RBL2: variants seen among roughly 807,000 people sequenced by gnomAD.
RBL2 encodes the protein RB transcriptional corepressor like 2.
Under a neutral mutation model 126.0 loss-of-function variants are expected in RBL2, and 56 were observed. The observed-to-expected ratio is 0.44, with a 90% confidence interval of 0.36 to 0.56. The LOEUF is 0.56. Among genes scored for constraint, RBL2 ranks in the 20% least tolerant of loss-of-function variants. The pLI is 0.00. For missense variants in RBL2, 1,229 were observed against 1,398.2 expected (o/e 0.88, Z 1.93); for synonymous variants, 454 against 478.5 (o/e 0.95, Z 0.67).
chr16:53,473,229 A>C (rs983277691), intron 17 of RBL2, among the ~76,000 whole-genome samples: 2 of 152,264 alleles, frequency 1.3e-5, no homozygotes, highest in Non-Finnish European at 2.9e-5. Flanking sequence ...ACAAAGGAAT[A>C]AGCTAGGATT....
At chr16:53,453,795 T>C in intron 7 of RBL2, 26 bp downstream of exon 7, 1 of 1,524,928 alleles carries the variant, frequency 6.6e-7, no homozygotes, top group Non-Finnish European at 9.0e-7. Context: ...TAAAATGTTT[T>C]AATATTTTAA....
chr16:53,479,045 G>C (rs1438510830), intron 17 of RBL2, 109 bp from the exon 18 acceptor site: 1 of 817,624 alleles, frequency 1.2e-6, no homozygotes, highest in Non-Finnish European at 2.1e-6. Flanking sequence ...ACTTTAAATA[G>C]CTTTTATATA....
rs946669654 is a variant in RBL2, at chr16:53,471,782, T to G, written c.2703+860T>G. ...CTGGGCCCAGCCAAATTAACTATTTTAAGTTGAACAATTTAGGAGCATTTA... is the reference window on the plus strand; with the variant it reads ...CTGGGCCCAGCCAAATTAACTATTTGAAGTTGAACAATTTAGGAGCATTTA... On this transcript the variant is annotated intron_variant, in intron 17 of 21. Coordinates refer to ENST00000262133, the MANE Select transcript of RBL2 (RefSeq NM_005611.4). Among the ~76,000 whole-genome samples the G allele has an allele frequency of 5.9e-5, 9 of 152,180 alleles. 1 individual carries two copies. The highest frequency in any genetic ancestry group is 5.2e-4 in the Admixed American group (8 of 15,284).
intron 1 of RBL2, 143 bp from the exon 2 acceptor site, chr16:53,438,867 AAAAAAG>A (rs2057984892): frequency 3.0e-6 from 1 of 337,508 alleles, no homozygotes; most frequent in African/African-American, 2.3e-5. Context: ...AAAAAAAAAA[AAAAAAG>A]AGCGTATGAG....
rs745956628 is a variant in RBL2, at chr16:53,481,726, G to A, written c.3140G>A (p.Arg1047Gln). Residue 1047 changes from arginine to glutamine, a missense_variant, in exon 21 of 22, where the codon CGA (arginine) becomes CAA (glutamine). Arg to Gln is a conservative substitution (Grantham distance 43). Transcript: ENST00000262133. The stretch of plus-strand genomic sequence containing the variant: ...TTTGTAAGAACAGGCTCCCCTCGCC[G>A]AATACAGTTGTCTCAAAATCATCCT... Reference protein sequence around the residue: ...YPFVRTGSPRRIQLSQNHPVY... With the variant: ...YPFVRTGSPRQIQLSQNHPVY... 23 of 1,608,510 alleles carry A rather than the reference G, an allele frequency of 1.4e-5. No individual in the cohort carries two copies. Among genetic ancestry groups the A allele is most frequent in the Middle Eastern group, 1.6e-4 (1 of 6,080 alleles).
In RBL2 at chr16:53,442,711, C is replaced by T. The variant is rs2058027767; in HGVS notation, c.425C>T (p.Pro142Leu). The change falls in exon 3 of 22, where the codon CCC (proline) becomes CTC (leucine). Residue 142 changes from proline to leucine, a missense_variant. Physicochemically the swap from Pro to Leu is moderately conservative, Grantham distance 98. Coordinates refer to ENST00000262133, the MANE Select transcript of RBL2 (RefSeq NM_005611.4). ...MKKWEDMANL[P>L]PHFRERTERL... is the part of the protein sequence containing the mutation. ...AAGTGGGAAGACATGGCAAATCTAC[C>T]CCCACATTTCAGAGAACGTACTGAG... 6.2e-7 allele frequency: 1 copy of T among 1,613,590 alleles called. No homozygotes were observed. Among genetic ancestry groups the T allele is most frequent in the Middle Eastern group, 1.7e-4 (1 of 6,054 alleles).
Position 53,481,669 on chromosome 16 carries a change from A to G in RBL2, c.3085-2A>G. On this transcript the variant is annotated splice_acceptor_variant, in intron 20 of 21. Transcript: ENST00000262133. LOFTEE classifies it high-confidence loss of function. Reference sequence around the variant, plus strand: ...AATTACTGATTTTTTTTTTTTAAACAGATGGATGCTCCTCCACTCTCTCCC... The same window carrying G: ...AATTACTGATTTTTTTTTTTTAAACGGATGGATGCTCCTCCACTCTCTCCC... The G allele has an allele frequency of 6.4e-7, 1 of 1,566,914 alleles. No individual in the cohort carries two copies. The highest frequency in any genetic ancestry group is 8.6e-7 in the Non-Finnish European group (1 of 1,162,944).
At chr16:53,455,062 A>G (rs2058154261) in intron 8 of RBL2, among the ~76,000 whole-genome samples, 1 of 152,238 alleles carries the variant, frequency 6.6e-6, no homozygotes, top group South Asian at 2.1e-4. Context: ...AGAAATTAAT[A>G]TAAATTTAAA....
chr16:53,481,127 C>A, intron 20 of RBL2: 4 of 185,240 alleles, frequency 2.2e-5, no homozygotes, highest in Non-Finnish European at 4.5e-5. Context: ...CCACTGCACT[C>A]CAGCTTGGGT....
chr16:53,477,675 A>G (rs1443879061), intron 17 of RBL2, among the ~76,000 whole-genome samples: 4 of 152,100 alleles, frequency 2.6e-5, no homozygotes, highest in African/African-American at 9.7e-5. Flanking sequence ...ATTCCTGTGT[A>G]TGTGAGTTGC....
chr16:53,448,517 TC>T (rs2058085246), intron 4 of RBL2, among the ~76,000 whole-genome samples: 1 of 152,086 alleles, frequency 6.6e-6, no homozygotes, highest in African/African-American at 2.4e-5. Flanking sequence ...AGGATCTTGC[TC>T]TGTTGCCCAG....
At position 53,461,941 on chromosome 16, in the gene RBL2, TTA is replaced by T. The variant is rs1319587582; in HGVS notation, c.1456+93_1456+94del. 6 of 1,183,100 alleles carry T rather than the reference TTA, an allele frequency of 5.1e-6. No individual in the cohort carries two copies. The East Asian group carries it at 1.5e-4, about 30-fold the overall frequency. 73.3% of individuals were successfully genotyped at this position (1,183,100 alleles called of 1,614,324 possible). ...TAACTAAGAAAGATGAGGAAAAGAT[TTA>T]TGACTTTAGACTGAAGGCTAGGATA... On this transcript the variant is annotated intron_variant, in intron 10 of 21. Coordinates refer to ENST00000262133, the MANE Select transcript of RBL2 (RefSeq NM_005611.4).
chr16:53,487,260 G>T (rs1449915479), intron 21 of RBL2, among the ~76,000 whole-genome samples: 2 of 152,186 alleles, frequency 1.3e-5, no homozygotes, highest in Non-Finnish European at 2.9e-5. Context: ...AAAGGTGGAG[G>T]ATTCACACTA....
At chr16:53,482,591 C>A (rs1243765695) in intron 21 of RBL2, among the ~76,000 whole-genome samples, 2 of 152,096 alleles carry the variant, frequency 1.3e-5, no homozygotes, top group African/African-American at 4.8e-5. Flanking sequence ...GGGCAGATCA[C>A]CTGAGGTCAG....
chr16:53,434,753 C>A lies in RBL2; in HGVS notation c.197C>A (p.Ala66Asp). The A allele has an allele frequency of 6.5e-7, 1 of 1,539,772 alleles. No homozygotes were observed. Among genetic ancestry groups the A allele is most frequent in the Non-Finnish European group, 8.7e-7 (1 of 1,149,974 alleles). The change falls in exon 1 of 22, where the codon GCC (alanine) becomes GAC (aspartate). Residue 66 changes from alanine (A) to aspartate (D), a missense_variant. This residue lies in a region of RBL2 where 159 missense variants were observed against 123.9 expected (regional missense o/e 1.28). Coordinates refer to ENST00000262133, the MANE Select transcript of RBL2 (RefSeq NM_005611.4). Reference protein sequence around the residue: ...LNMDEAARAEAWDSYRSMSES... With the variant: ...LNMDEAARAEDWDSYRSMSES... ...ATGGACGAGGCGGCGCGGGCCGAGG[C>A]CTGGGACAGCTACCGCAGCATGAGC...
chr16:53,455,651 G>A (rs1361687459), intron 8 of RBL2, among the ~76,000 whole-genome samples: 1 of 152,138 alleles, frequency 6.6e-6, no homozygotes, highest in Non-Finnish European at 1.5e-5. Context: ...AAATATTGAG[G>A]GGAGGGGAGA....
chr16:53,464,168 A>T, intron 11 of RBL2, 58 bp from the exon 12 acceptor site: 21 of 1,357,676 alleles, frequency 1.5e-5, no homozygotes, highest in Non-Finnish European at 2.1e-5. Context: ...TTCACTGGGT[A>T]TGAAATGACT....
intron 21 of RBL2, chr16:53,489,581 T>A (rs1041987314): frequency 1.3e-5 from 2 of 152,146 alleles, no homozygotes; most frequent in African/African-American, 4.8e-5. Flanking sequence ...ATAATTTGAG[T>A]AACTTTAATC....
chr16:53,467,279 A>G (rs2058281302), intron 14 of RBL2, 110 bp downstream of exon 14: 2 of 878,148 alleles, frequency 2.3e-6, no homozygotes, highest in East Asian at 2.6e-5. Flanking sequence ...AAAATATTCT[A>G]TGCATTTTTG....
Sources: allele counts gnomAD v4.1 joint callset (sites outside exome capture counted in the v4.1 genomes callset), GRCh38; gene constraint gnomAD v4.1.1; regional missense constraint gnomAD v4.1.1; transcripts MANE v1.5; gene names NCBI Gene and HGNC (gene_info 2026-07-23, HGNC 2026-07-21).